RAB6B: variants seen among roughly 807,000 people sequenced by gnomAD.
The protein encoded by RAB6B is ras-related protein Rab-6B.
Under a neutral mutation model 31.2 loss-of-function variants are expected in RAB6B, and 7 were observed. That is an observed-to-expected ratio of 0.22 (90% CI 0.13 to 0.42). The LOEUF (loss-of-function observed/expected upper bound fraction) is 0.42, where lower values mean the gene tolerates loss of function less well. Ranked by LOEUF, RAB6B falls within the 10% of genes least tolerant of loss-of-function variation. RAB6B has a pLI of 1.00. For missense variants in RAB6B, 149 were observed against 280.6 expected (o/e 0.53, Z 3.35); for synonymous variants, 105 against 104.9 (o/e 1.00, Z -0.01).
At chr3:133,887,161 T>A (rs994881953) in intron 1 of RAB6B, among the ~76,000 whole-genome samples, 1 of 152,194 alleles carries the variant, frequency 6.6e-6, no homozygotes, top group Non-Finnish European at 1.5e-5. Context: ...GGGGTGCCCC[T>A]GGGCTAGGAG....
chr3:133,894,124 C>A (rs1052241237), intron 1 of RAB6B, among the ~76,000 whole-genome samples: 3 of 152,236 alleles, frequency 2.0e-5, no homozygotes, highest in African/African-American at 7.2e-5. Flanking sequence ...CTGGGCCCAC[C>A]CAGTCCTCCC....
intron 1 of RAB6B, among the ~76,000 whole-genome samples, 172 bp downstream of exon 1, chr3:133,895,225 C>T (rs1936691331): frequency 6.6e-6 from 1 of 152,174 alleles, no homozygotes; most frequent in Non-Finnish European, 1.5e-5. Context: ...CCGTCCTCAC[C>T]CTTGGCCCCT....
intron 1 of RAB6B, among the ~76,000 whole-genome samples, chr3:133,884,738 A>AT: frequency 6.6e-6 from 1 of 151,078 alleles, no homozygotes; most frequent in African/African-American, 2.4e-5. Context: ...ACACCTAATG[A>AT]CAGAGAATGG....
chr3:133,864,661 A>G lies in RAB6B; in HGVS notation c.71-19T>C. On this transcript the variant is annotated intron_variant, in intron 1 of 7. Coordinates refer to ENST00000285208, the MANE Select transcript of RAB6B (RefSeq NM_016577.4). ...TTCCCGACTGCAAAACAACAAGGAG[A>G]GAGGTGTTCAGTCATGGCATCTGAG... 5 of 1,609,410 alleles carry G rather than the reference A, an allele frequency of 3.1e-6. No individual in the cohort carries two copies. Among genetic ancestry groups the G allele is most frequent in the Non-Finnish European group, 4.3e-6 (5 of 1,175,652 alleles).
intron 7 of RAB6B, among the ~76,000 whole-genome samples, chr3:133,832,228 A>G (rs1403433003): frequency 6.6e-6 from 1 of 152,150 alleles, no homozygotes; most frequent in Admixed American, 6.5e-5. Context: ...TTGTGTATGT[A>G]GAACCAGTAA....
chr3:133,827,592 A>C lies in RAB6B; in HGVS notation c.*1196T>G. On this transcript the variant is annotated 3_prime_UTR_variant, in exon 8 of 8. Transcript: ENST00000285208. ...CAGGTGACCACAGCGCAGCCACAGT[A>C]GCCACAAAGATATGTCCACAAAGAC... The C allele has an allele frequency of 2.8e-6, 1 of 351,930 alleles. No homozygotes were observed. The allele number at this position is 351,930 out of a possible 1,614,324, so 21.8% of individuals were successfully genotyped here.
chr3:133,851,255 G>A (rs1171610143), intron 2 of RAB6B, among the ~76,000 whole-genome samples: 1 of 152,202 alleles, frequency 6.6e-6, no homozygotes, highest in Non-Finnish European at 1.5e-5. Context: ...ACATGCATGG[G>A]TCAATGCAGG....
Position 133,843,365 on chromosome 3 carries a change from G to A in RAB6B, c.130-1702C>T, listed in dbSNP as rs147322526. On this transcript the variant is annotated intron_variant, in intron 2 of 7. Coordinates refer to ENST00000285208, the MANE Select transcript of RAB6B (RefSeq NM_016577.4). ...CACAGCTTCGCATAGTGTAGCCACC[G>A]AGGCACAAATCTGCAATGACCAGTG... 5.6e-4 allele frequency among the ~76,000 whole-genome samples: 85 copies of A among 152,312 alleles called. 2 individuals are homozygous for A. The highest frequency in any genetic ancestry group is 1.8e-3 in the African/African-American group (76 of 41,574).
rs189690332 is a variant in RAB6B at position 133,825,043 on chromosome 3, T to A, written c.*3745A>T. 4 of 152,314 alleles carry A rather than the reference T, an allele frequency of 2.6e-5. No individual in the cohort carries two copies. Among genetic ancestry groups the A allele is most frequent in the African/African-American group, 9.6e-5 (4 of 41,548 alleles). The allele number at this position is 152,314 out of a possible 1,614,324, so 9.4% of individuals were successfully genotyped here. A position where few individuals can be genotyped will look rare whatever the true frequency, so the allele number is the denominator to read the frequency against. On this transcript the variant is annotated 3_prime_UTR_variant, in exon 8 of 8. Coordinates refer to ENST00000285208, the MANE Select transcript of RAB6B (RefSeq NM_016577.4). ...CAAGGTGACAATGCCTCACATTCTTTGGGGAGAGGCAGTTCGGAAACGAGT... is the reference window on the plus strand; with the variant it reads ...CAAGGTGACAATGCCTCACATTCTTAGGGGAGAGGCAGTTCGGAAACGAGT...
chr3:133,885,863 T>G (rs1473335552), intron 1 of RAB6B, among the ~76,000 whole-genome samples: 1 of 152,166 alleles, frequency 6.6e-6, no homozygotes, highest in Non-Finnish European at 1.5e-5. Flanking sequence ...GAAGCTTAAG[T>G]TTACAAGCCC....
chr3:133,889,391 TATATATATATATATATATATATATATA>T (rs1936599684), intron 1 of RAB6B, among the ~76,000 whole-genome samples: 52 of 34,038 alleles, frequency 1.5e-3, no homozygotes, highest in East Asian at 0.012. Context: ...TATTTTGTTA[TATATATATATATATATATATATATATA>T]TATATATATA....
At chr3:133,840,224 C>A (rs1413805342) in intron 4 of RAB6B, among the ~76,000 whole-genome samples, 1 of 152,148 alleles carries the variant, frequency 6.6e-6, no homozygotes, top group Admixed American at 6.5e-5. Context: ...GCCAGGTGCA[C>A]TCAAAAATCC....
intron 1 of RAB6B, among the ~76,000 whole-genome samples, chr3:133,870,790 C>T: frequency 6.7e-6 from 1 of 149,484 alleles, no homozygotes; most frequent in African/African-American, 2.5e-5. Flanking sequence ...GCTTATTTTT[C>T]ACTATTGGCA....
intron 1 of RAB6B, among the ~76,000 whole-genome samples, chr3:133,887,040 C>A (rs1936558574): frequency 7.3e-6 from 1 of 137,468 alleles, no homozygotes; most frequent in African/African-American, 2.6e-5. Flanking sequence ...GGAGCTGGGG[C>A]TGGGGCCGGG....
intron 2 of RAB6B, among the ~76,000 whole-genome samples, chr3:133,861,027 C>T (rs545352229): frequency 9.8e-5 from 15 of 152,356 alleles, no homozygotes; most frequent in African/African-American, 3.4e-4. Flanking sequence ...AATCCTCCCC[C>T]TCCATCCCCA....
At chr3:133,885,291 A>G (rs1936529492) in intron 1 of RAB6B, among the ~76,000 whole-genome samples, 1 of 150,390 alleles carries the variant, frequency 6.6e-6, no homozygotes, top group African/African-American at 2.5e-5. Context: ...CACATACCCA[A>G]TGACCAGAGT....
chr3:133,838,306 C>A (rs928056768), intron 5 of RAB6B, 47 bp from the exon 6 acceptor site: 3 of 1,564,096 alleles, frequency 1.9e-6, no homozygotes, highest in Admixed American at 3.3e-5. Context: ...GAGAAGCAGA[C>A]CCTGGCAGAT....
chr3:133,845,529 T>C (rs967299810), intron 2 of RAB6B, among the ~76,000 whole-genome samples: 2 of 152,270 alleles, frequency 1.3e-5, no homozygotes, highest in South Asian at 4.1e-4. Context: ...TAAATGTCAA[T>C]TGCTTATACG....
rs978485616 is a variant in RAB6B at position 133,838,326 on chromosome 3, G to C, written c.402-67C>G. On this transcript the variant is annotated intron_variant, in intron 5 of 7. Transcript: ENST00000285208. ...GCAGACCCTGGCAGATATGAGGAGG[G>C]ACCCACCCAGCAGGGCAGAGGGAGC... 12 of 1,436,178 alleles carry C rather than the reference G, an allele frequency of 8.4e-6. No homozygotes were observed. In the East Asian group the frequency reaches 2.3e-4, roughly 27 times the overall value. The allele number at this position is 1,436,178 out of a possible 1,614,324, so 89.0% of individuals were successfully genotyped here. A position where few individuals can be genotyped will look rare whatever the true frequency, so the allele number is the denominator to read the frequency against.
Sources: allele counts gnomAD v4.1 joint callset (sites outside exome capture counted in the v4.1 genomes callset), GRCh38; gene constraint gnomAD v4.1.1; transcripts MANE v1.5; gene names NCBI Gene and HGNC (gene_info 2026-07-23, HGNC 2026-07-21).